ATP13A3: variants seen among roughly 807,000 people sequenced by gnomAD.
The protein encoded by ATP13A3 is ATPase 13A3.
In ATP13A3, 59 loss-of-function variants were observed where a neutral mutation model predicts 158.1. That is an observed-to-expected ratio of 0.37 (90% CI 0.30 to 0.46). ATP13A3 has a LOEUF of 0.46. Ranked by LOEUF, ATP13A3 falls within the 20% of genes least tolerant of loss-of-function variation. The pLI is 1.00. For synonymous variants in ATP13A3, 491 were observed against 504.3 expected (o/e 0.97, Z 0.35); for missense variants, 1,166 against 1,525.2 (o/e 0.76, Z 3.92).
chr3:194,441,122 A>G (rs1718025389), intron 16 of ATP13A3, among the ~76,000 whole-genome samples, 189 bp downstream of exon 16: 1 of 152,236 alleles, frequency 6.6e-6, no homozygotes, highest in Non-Finnish European at 1.5e-5. Flanking sequence ...GGGTTAACTA[A>G]AAGTTACTTT....
intron 2 of ATP13A3, among the ~76,000 whole-genome samples, chr3:194,480,151 A>G (rs1413352569): frequency 6.6e-6 from 1 of 152,204 alleles, no homozygotes; most frequent in African/African-American, 2.4e-5. Context: ...TCAGACTCTT[A>G]TCCTTACAAT....
intron 2 of ATP13A3, 58 bp from the exon 3 acceptor site, chr3:194,462,294 C>T: frequency 5.3e-6 from 6 of 1,131,300 alleles, no homozygotes; most frequent in Non-Finnish European, 5.2e-6. Flanking sequence ...GTAGACGATA[C>T]AACTGCATTC....
At chr3:194,451,247 G>A (rs911753874) in intron 10 of ATP13A3, 5 of 152,090 alleles carry the variant, frequency 3.3e-5, no homozygotes, top group African/African-American at 4.8e-5. Flanking sequence ...AGATATTATC[G>A]ATCTTCGTTT....
Position 194,448,082 on chromosome 3 carries a change from C to CTTTTT in ATP13A3, c.1151-78_1151-74dup. 8.9e-7 allele frequency: 1 copy of CTTTTT among 1,120,978 alleles called. No homozygotes were observed. Among genetic ancestry groups the CTTTTT allele is most frequent in the South Asian group, 1.5e-5 (1 of 68,368 alleles). The allele number at this position is 1,120,978 out of a possible 1,614,324, so 69.4% of individuals were successfully genotyped here. ...AATTATCTCCCAAAACAGAATCTCT[C>CTTTTT]TTTTTTTTTTTTTGAGACAGAGTCT... On this transcript the variant is annotated intron_variant, in intron 12 of 33. Coordinates refer to ENST00000645319, the MANE Select transcript of ATP13A3 (RefSeq NM_001367549.1). The surrounding 1 kb of genome is among the most constrained non-coding windows in gnomAD (Gnocchi z 4.0).
intron 2 of ATP13A3, among the ~76,000 whole-genome samples, chr3:194,485,370 C>T (rs1261760575): frequency 1.3e-5 from 2 of 152,158 alleles, no homozygotes; most frequent in Non-Finnish European, 2.9e-5. Context: ...AAGCAACAAA[C>T]CTCTAGAGAA....
Position 194,405,945 on chromosome 3 carries a change from A to C in ATP13A3, c.3745T>G (p.Ser1249Ala). The C allele has an allele frequency of 6.2e-7, 1 of 1,614,120 alleles. No individual in the cohort carries two copies. Among genetic ancestry groups the C allele is most frequent in the African/African-American group, 1.3e-5 (1 of 75,026 alleles). Residue 1249 changes from serine to alanine, a missense_variant, in exon 34 of 34, where the codon TCA (serine) becomes GCA (alanine). Physicochemically the swap from Ser to Ala is moderately conservative, Grantham distance 99. This residue lies in a region of ATP13A3 where 997 missense variants were observed against 1,341.2 expected (regional missense o/e 0.74). Transcript: ENST00000645319. ...TATGTTATGGTGATGATTTGACATG[A>C]TCCATTCTCCTTAACTAAAGCTTTA... Reference protein sequence around the residue: ...EAKALVKENGSCQIITIT With the variant: ...EAKALVKENGACQIITIT
At chr3:194,464,055 G>A (rs368310356) in intron 2 of ATP13A3, among the ~76,000 whole-genome samples, 96 of 152,292 alleles carry the variant, frequency 6.3e-4, no homozygotes, top group African/African-American at 2.2e-3. Context: ...CAGCTACTCA[G>A]GAGGCTGAGG....
chr3:194,473,943 T>C (rs992817435), intron 2 of ATP13A3, among the ~76,000 whole-genome samples: 3 of 152,166 alleles, frequency 2.0e-5, no homozygotes, highest in Non-Finnish European at 2.9e-5. Flanking sequence ...ACTCTGTGGA[T>C]ATGTGTTTTT....
chr3:194,437,229 A>C lies in ATP13A3; in HGVS notation c.2000-14T>G, dbSNP rs765070350. 1 of 1,613,910 alleles carries C rather than the reference A, an allele frequency of 6.2e-7. No individual in the cohort carries two copies. The highest frequency in any genetic ancestry group is 8.5e-7 in the Non-Finnish European group (1 of 1,179,930). On this transcript the variant is annotated splice_polypyrimidine_tract_variant and intron_variant, in intron 19 of 33. Transcript: ENST00000645319. ...AATCGACAGGAACTTTTTAAAAGAAAGAGTAAATTTCATTGTTAGAGTTGC... is the reference window on the plus strand; with the variant it reads ...AATCGACAGGAACTTTTTAAAAGAACGAGTAAATTTCATTGTTAGAGTTGC...
intron 20 of ATP13A3, among the ~76,000 whole-genome samples, chr3:194,434,873 T>C (rs1449909701): frequency 6.6e-6 from 1 of 152,094 alleles, no homozygotes; most frequent in Non-Finnish European, 1.5e-5. Context: ...GTGAGAAGTG[T>C]TTGTTCCACT....
At chr3:194,493,135 TA>T (rs376023000) in intron 2 of ATP13A3, among the ~76,000 whole-genome samples, 5,629 of 131,516 alleles carry the variant, frequency 0.043, 290 homozygotes, top group African/African-American at 0.13. Flanking sequence ...TCTCAGCTCT[TA>T]AAAAAAAAAA....
chr3:194,490,929 T>C (rs1721139090), upstream of ATP13A3, among the ~76,000 whole-genome samples: 1 of 152,212 alleles, frequency 6.6e-6, no homozygotes, highest in Non-Finnish European at 1.5e-5. The surrounding 1 kb of genome is among the most constrained non-coding windows in gnomAD (Gnocchi z 4.4). Flanking sequence ...GCGGATCACC[T>C]GAGGTTGGGA....
chr3:194,491,818 G>A (rs1721149730), upstream of ATP13A3, among the ~76,000 whole-genome samples: 1 of 120,952 alleles, frequency 8.3e-6, no homozygotes, highest in Admixed American at 8.6e-5. Flanking sequence ...CACCTGGCAT[G>A]CCCCCTCATC....
chr3:194,403,701 G>C lies in ATP13A3; in HGVS notation c.*2218C>G, dbSNP rs1262064032. The C allele has an allele frequency of 6.4e-6, 1 of 155,994 alleles. No homozygotes were observed. The highest frequency in any genetic ancestry group is 1.4e-5 in the Non-Finnish European group (1 of 70,600). The allele number at this position is 155,994 out of a possible 1,614,324, so 9.7% of individuals were successfully genotyped here. A position where few individuals can be genotyped will look rare whatever the true frequency, so the allele number is the denominator to read the frequency against. On this transcript the variant is annotated 3_prime_UTR_variant, in exon 34 of 34. Coordinates refer to ENST00000645319, the MANE Select transcript of ATP13A3 (RefSeq NM_001367549.1). ...ATTACTATGTAATGGTAACCTACGA[G>C]AGAAGACTCAGTCTATCTATGGCAC... is the stretch of plus-strand genomic sequence containing the variant.
intron 30 of ATP13A3, chr3:194,424,261 C>T (rs1478050563): frequency 6.6e-6 from 1 of 150,888 alleles, no homozygotes; most frequent in Admixed American, 6.6e-5. Flanking sequence ...TTCTTAGTAA[C>T]ACAGTTATTA....
intron 17 of ATP13A3, among the ~76,000 whole-genome samples, chr3:194,438,584 G>C (rs969850762): frequency 5.9e-5 from 9 of 152,142 alleles, no homozygotes; most frequent in Non-Finnish European, 1.3e-4. Flanking sequence ...CTCTGCATAA[G>C]AGTTAAATAA....
intron 2 of ATP13A3, among the ~76,000 whole-genome samples, chr3:194,472,463 G>A (rs1378042872): frequency 2.6e-5 from 4 of 152,080 alleles, no homozygotes; most frequent in African/African-American, 9.7e-5. Context: ...ATGGCCTGCT[G>A]GTACACTCTT....
Position 194,428,851 on chromosome 3 carries a change from A to C in ATP13A3, c.2941T>G (p.Phe981Val). The C allele has an allele frequency of 3.1e-6, 5 of 1,590,274 alleles. No homozygotes were observed. The highest frequency in any genetic ancestry group is 4.3e-6 in the Non-Finnish European group (5 of 1,160,850). Residue 981 changes from phenylalanine to valine, a missense_variant, in exon 28 of 34, where the codon TTT (phenylalanine) becomes GTT (valine). Physicochemically the swap from Phe to Val is conservative, Grantham distance 50 (BLOSUM62 -1). This residue lies in a region of ATP13A3 where 997 missense variants were observed against 1,341.2 expected (regional missense o/e 0.74). Coordinates refer to ENST00000645319, the MANE Select transcript of ATP13A3 (RefSeq NM_001367549.1). The stretch of plus-strand genomic sequence containing the variant: ...AACAAAGCAAAATACTCACTTGTAA[A>C]TACCACTACCAAAATGATTGCCAGA... ...IDLAIILVVVFTMSLNPAWKE... is the reference protein window; with the variant it reads ...IDLAIILVVVVTMSLNPAWKE...
chr3:194,454,223 T>C (rs1478592609), intron 9 of ATP13A3, 35 bp downstream of exon 9: 4 of 1,551,456 alleles, frequency 2.6e-6, no homozygotes, highest in South Asian at 1.1e-5. Context: ...AAAATACAAA[T>C]ACAGTTGTGA....
Sources: gnomAD v4.1 joint callset for allele counts (sites outside exome capture counted in the v4.1 genomes callset) on GRCh38, gnomAD v4.1.1 for gene constraint, gnomAD v4.1.1 regional missense constraint, Gnocchi (gnomAD v3.1) non-coding constraint, MANE v1.5 for transcripts, NCBI Gene and HGNC (gene_info 2026-07-23, HGNC 2026-07-21) for gene names.